HPSE2: variants seen among roughly 807,000 people sequenced by gnomAD.
HPSE2 encodes the protein inactive heparanase-2.
A neutral mutation model predicts 60.5 loss-of-function variants in HPSE2; 38 were observed. The ratio of observed to expected loss-of-function variants is 0.63; its 90% CI spans 0.48 to 0.82. The LOEUF is 0.82. Ranked by LOEUF, HPSE2 falls within the 40% of genes least tolerant of loss-of-function variation. The pLI is 0.00. For missense variants in HPSE2, 713 were observed against 740.4 expected, an observed-to-expected ratio of 0.96 and a Z score of 0.43; for synonymous variants, 295 against 293.2, an observed-to-expected ratio of 1.01 and a Z score of -0.06.
At chr10:98,929,817 T>C (rs1954592077) in intron 3 of HPSE2, among the ~76,000 whole-genome samples, 1 of 144,116 alleles carries the variant, frequency 6.9e-6, no homozygotes, top group African/African-American at 2.8e-5. Flanking sequence ...TTTTTAATGG[T>C]TGAAAAAAGT....
chr10:98,875,546 A>G (rs1356838535), intron 3 of HPSE2, among the ~76,000 whole-genome samples: 2 of 151,926 alleles, frequency 1.3e-5, no homozygotes, highest in Non-Finnish European at 2.9e-5. Context: ...TAGCCTACCA[A>G]CCAAAAAAAA....
intron 3 of HPSE2, among the ~76,000 whole-genome samples, chr10:99,133,340 T>C (rs1845520313): frequency 6.6e-6 from 1 of 152,186 alleles, no homozygotes; most frequent in Non-Finnish European, 1.5e-5. Flanking sequence ...CCCTGCCTGA[T>C]GGCTCTGAAG....
intron 9 of HPSE2, among the ~76,000 whole-genome samples, chr10:98,534,586 G>C (rs1943226229): frequency 6.6e-6 from 1 of 152,012 alleles, no homozygotes; most frequent in East Asian, 1.9e-4. Flanking sequence ...TGTATTTTTA[G>C]TAGAGACAGG....
intron 6 of HPSE2, among the ~76,000 whole-genome samples, chr10:98,654,063 T>C (rs1369641345): frequency 2.0e-5 from 3 of 152,156 alleles, no homozygotes; most frequent in Non-Finnish European, 4.4e-5. Context: ...TTGTTCACAT[T>C]GCTTCATATC....
intron 2 of HPSE2, among the ~76,000 whole-genome samples, chr10:99,158,069 G>C (rs1468162323): frequency 1.4e-4 from 20 of 142,322 alleles, no homozygotes; most frequent in African/African-American, 4.8e-4. Flanking sequence ...TCTCACACCA[G>C]TTAGAATGGC....
At chr10:98,896,289 T>C (rs762270774) in intron 3 of HPSE2, among the ~76,000 whole-genome samples, 29 of 152,044 alleles carry the variant, frequency 1.9e-4, no homozygotes, top group Non-Finnish European at 3.8e-4. Flanking sequence ...TAATTATACA[T>C]TGGTGGAAAC....
chr10:99,154,128 G>GCA (rs1386025022), intron 2 of HPSE2, among the ~76,000 whole-genome samples: 1 of 145,950 alleles, frequency 6.9e-6, no homozygotes, highest in Non-Finnish European at 1.5e-5. Context: ...ACGTCTGATT[G>GCA]GTGTACCTGA....
chr10:98,618,553 G>A (rs1039484901), intron 8 of HPSE2, among the ~76,000 whole-genome samples: 5 of 152,092 alleles, frequency 3.3e-5, no homozygotes, highest in Admixed American at 2.6e-4. Flanking sequence ...TCAAGCCAGT[G>A]GAGAGTGGGA....
intron 3 of HPSE2, among the ~76,000 whole-genome samples, chr10:98,912,085 G>A (rs1374751383): frequency 2.0e-5 from 3 of 152,134 alleles, no homozygotes; most frequent in East Asian, 3.8e-4. Context: ...GTGGCATTGA[G>A]GATAAGGAGA....
At chr10:98,818,938 A>G (rs77025962) in intron 3 of HPSE2, among the ~76,000 whole-genome samples, 1 of 152,334 alleles carries the variant, frequency 6.6e-6, no homozygotes, top group African/African-American at 2.4e-5. Flanking sequence ...AACAATTTGT[A>G]AGGTGGATAA....
intron 5 of HPSE2, among the ~76,000 whole-genome samples, chr10:98,718,216 A>G (rs1948838147): frequency 6.6e-6 from 1 of 152,222 alleles, no homozygotes; most frequent in Admixed American, 6.5e-5. Context: ...CTGATGATTA[A>G]GAATAGCCAG....
At position 99,064,965 on chromosome 10, in the gene HPSE2, C is replaced by A. The variant is rs183006811; in HGVS notation, c.610+79273G>T. Among the ~76,000 whole-genome samples, 455 of 152,224 alleles carry A rather than the reference C, an allele frequency of 3.0e-3. 11 individuals carry two copies. The highest frequency in any genetic ancestry group is 0.026 in the Admixed American group (392 of 15,278). On this transcript the variant is annotated intron_variant, in intron 3 of 11. Coordinates refer to ENST00000370552, the MANE Select transcript of HPSE2 (RefSeq NM_021828.5). ...AATTTTTTCCTCCTCTACTATTATT[C>A]TCATGTTTAAAGCTTATTACAGACA...
At chr10:98,661,594 T>A (rs1947226366) in intron 6 of HPSE2, among the ~76,000 whole-genome samples, 1 of 152,336 alleles carries the variant, frequency 6.6e-6, no homozygotes, top group Non-Finnish European at 1.5e-5. Context: ...AACTTTCCTT[T>A]TTTCACCTAA....
chr10:98,514,711 GTTTTTTTTTTTTTTTT>G (rs35977879), intron 9 of HPSE2, among the ~76,000 whole-genome samples: 1 of 67,726 alleles, frequency 1.5e-5, no homozygotes, highest in Admixed American at 2.0e-4. Context: ...TATATACTTT[GTTTTTTTTTTTTTTTT>G]TTTTTTTTTT....
At chr10:99,051,044 A>C (rs1957979549) in intron 3 of HPSE2, among the ~76,000 whole-genome samples, 1 of 152,136 alleles carries the variant, frequency 6.6e-6, no homozygotes, top group Non-Finnish European at 1.5e-5. Context: ...ATATCCAATA[A>C]AAAAGCACAA....
intron 3 of HPSE2, among the ~76,000 whole-genome samples, chr10:99,100,213 G>A (rs545120462): frequency 1.2e-4 from 18 of 152,072 alleles, no homozygotes; most frequent in African/African-American, 3.9e-4. Context: ...AAGGAAGTTC[G>A]AATCCATCGC....
At chr10:99,100,639 T>C (rs562707870) in intron 3 of HPSE2, among the ~76,000 whole-genome samples, 1 of 152,032 alleles carries the variant, frequency 6.6e-6, no homozygotes, top group Admixed American at 6.6e-5. Context: ...GAAATACAGA[T>C]AACGCCACAA....
intron 3 of HPSE2, among the ~76,000 whole-genome samples, chr10:98,834,588 A>G (rs1168599868): frequency 6.6e-6 from 1 of 152,186 alleles, no homozygotes; most frequent in Admixed American, 6.5e-5. Flanking sequence ...GCAAGTAGAA[A>G]TAATGTCCCT....
intron 2 of HPSE2, among the ~76,000 whole-genome samples, chr10:99,181,421 A>AAAAAAAAAAAAAAAAG (rs1847772702): frequency 1.4e-5 from 2 of 138,208 alleles, no homozygotes; most frequent in Admixed American, 7.3e-5. Context: ...AAAAAAAAAA[A>AAAAAAAAAAAAAAAAG]GACACACGCA....
Sources: gnomAD v4.1 joint callset for allele counts (sites outside exome capture counted in the v4.1 genomes callset) on GRCh38, gnomAD v4.1.1 for gene constraint, MANE v1.5 for transcripts, NCBI Gene and HGNC (gene_info 2026-07-23, HGNC 2026-07-21) for gene names.